Variants in ABHD2 observed in about 807,000 individuals in gnomAD.
ABHD2 encodes the protein abhydrolase domain containing 2, acylglycerol lipase, also known as monoacylglycerol lipase ABHD2.
Under a neutral mutation model 48.1 loss-of-function variants are expected in ABHD2, and 20 were observed. The ratio of observed to expected loss-of-function variants is 0.42; its 90% CI spans 0.29 to 0.60. The LOEUF is 0.60. ABHD2 is among the 20% of genes least tolerant of loss of function. The pLI, the probability that ABHD2 is intolerant of heterozygous loss-of-function variation, is 0.24. For synonymous variants in ABHD2, 209 were observed against 214.2 expected (o/e 0.98, Z 0.21); for missense variants, 405 against 550.9 (o/e 0.74, Z 2.65).
Position 89,177,506 on chromosome 15 carries a change from T to C in ABHD2, c.722+1511T>C, listed in dbSNP as rs939680154. On this transcript the variant is annotated intron_variant, in intron 6 of 10. Coordinates refer to ENST00000352732, the MANE Select transcript of ABHD2 (RefSeq NM_152924.5). This position sits in a 1 kb window ranked among gnomAD's most constrained non-coding sequence, Gnocchi z 5.6. ...TTGGAGGCATGGGACCTCAGAAGTC[T>C]GCATTTTGGATACATTTCATAGGCG... 6.6e-6 allele frequency among the ~76,000 whole-genome samples: 1 copy of C among 152,194 alleles called. No individual in the cohort carries two copies. Among genetic ancestry groups the C allele is most frequent in the African/African-American group, 2.4e-5 (1 of 41,452 alleles).
chr15:89,158,099 A>G (rs2050703722), intron 5 of ABHD2, among the ~76,000 whole-genome samples: 1 of 152,138 alleles, frequency 6.6e-6, no homozygotes, highest in African/African-American at 2.4e-5. Flanking sequence ...CTAACAGTAC[A>G]GTGTGAACAC....
chr15:89,094,595 C>A lies in ABHD2; in HGVS notation c.-107+6032C>A, dbSNP rs1202408258. 6.6e-6 allele frequency among the ~76,000 whole-genome samples: 1 copy of A among 151,996 alleles called. No individual in the cohort carries two copies. The highest frequency in any genetic ancestry group is 1.5e-5 in the Non-Finnish European group (1 of 68,004). The stretch of plus-strand genomic sequence containing the variant: ...TGGTGGTGTGCGCCTGTAGTCCCAG[C>A]TACTTGGGAGACTGAGGCAGGAGAA... On this transcript the variant is annotated intron_variant, in intron 1 of 10. Transcript: ENST00000352732. This position sits in a 1 kb window ranked among gnomAD's most constrained non-coding sequence, Gnocchi z 4.7.
intron 3 of ABHD2, among the ~76,000 whole-genome samples, chr15:89,127,417 C>T (rs1406615584): frequency 6.6e-6 from 1 of 151,842 alleles, no homozygotes; most frequent in Non-Finnish European, 1.5e-5. Context: ...TTGTGAGAAA[C>T]AGCAGGTTAT....
Position 89,177,997 on chromosome 15 carries a change from G to A in ABHD2, c.722+2002G>A, listed in dbSNP as rs1274412473. On this transcript the variant is annotated intron_variant, in intron 6 of 10. Transcript: ENST00000352732. The surrounding 1 kb of genome is among the most constrained non-coding windows in gnomAD (Gnocchi z 5.6). ...TTGAACTAAGGCAAAGAAGGCTCAA[G>A]AAGCTAGAAAACTAAAATCTGTGAG... Among the ~76,000 whole-genome samples, 1 of 152,224 alleles carries A rather than the reference G, an allele frequency of 6.6e-6. No individual in the cohort carries two copies. Among genetic ancestry groups the A allele is most frequent in the Non-Finnish European group, 1.5e-5 (1 of 68,042 alleles).
intron 3 of ABHD2, among the ~76,000 whole-genome samples, chr15:89,124,982 G>T (rs1029946375): frequency 2.0e-5 from 3 of 152,124 alleles, no homozygotes; most frequent in Non-Finnish European, 4.4e-5. Context: ...CCAGCTAATC[G>T]GGAGGCTGAG....
chr15:89,066,245 G>T, the ABHD2 span, among the ~76,000 whole-genome samples: 1 of 152,154 alleles, frequency 6.6e-6, no homozygotes, highest in Non-Finnish European at 1.5e-5. Flanking sequence ...CAAAATCATG[G>T]TTCCTTCTGA....
chr15:89,043,001 T>A, the ABHD2 span, among the ~76,000 whole-genome samples: 2 of 152,108 alleles, frequency 1.3e-5, no homozygotes, highest in East Asian at 1.9e-4. Context: ...CAGCACCATT[T>A]GTTTCCTCCA....
At chr15:89,172,718 C>T (rs1291445557) in intron 5 of ABHD2, among the ~76,000 whole-genome samples, 1 of 152,218 alleles carries the variant, frequency 6.6e-6, no homozygotes, top group Non-Finnish European at 1.5e-5. Context: ...CTAAACAACT[C>T]TACGAAGTCT....
chr15:89,135,795 C>A, intron 3 of ABHD2: 7 of 819,972 alleles, frequency 8.5e-6, no homozygotes, highest in South Asian at 6.7e-5. Flanking sequence ...AGTTTCTTTG[C>A]AACATCATTA....
intron 5 of ABHD2, among the ~76,000 whole-genome samples, chr15:89,163,139 G>A (rs1467849328): frequency 6.6e-6 from 1 of 152,308 alleles, no homozygotes; most frequent in East Asian, 1.9e-4. Flanking sequence ...AAACTAAAGA[G>A]GGCATTAACA....
chr15:89,179,000 GAT>G (rs1301374264), intron 6 of ABHD2, among the ~76,000 whole-genome samples: 2 of 152,182 alleles, frequency 1.3e-5, no homozygotes, highest in African/African-American at 4.8e-5. Flanking sequence ...GGGTGTAAAA[GAT>G]AGTCTGTATC....
chr15:89,100,495 C>T lies in ABHD2; in HGVS notation c.-107+11932C>T, dbSNP rs148518963. On this transcript the variant is annotated intron_variant, in intron 1 of 10. Coordinates refer to ENST00000352732, the MANE Select transcript of ABHD2 (RefSeq NM_152924.5). The surrounding 1 kb of genome is among the most constrained non-coding windows in gnomAD (Gnocchi z 4.4). ...TGCAAGTAGCCTCTCTACCCCACCA[C>T]CAATGTACATCTACAGAAAGCATCT... 1.7e-4 allele frequency among the ~76,000 whole-genome samples: 26 copies of T among 152,268 alleles called. No homozygotes were observed. The highest frequency in any genetic ancestry group is 6.0e-4 in the African/African-American group (25 of 41,546).
intron 7 of ABHD2, among the ~76,000 whole-genome samples, chr15:89,187,301 C>T: frequency 6.6e-6 from 1 of 152,200 alleles, no homozygotes; most frequent in East Asian, 1.9e-4. Context: ...AAATTTACTA[C>T]AGAAAGCCAA....
At chr15:89,047,994 G>C in the ABHD2 span, among the ~76,000 whole-genome samples, 67 of 151,538 alleles carry the variant, frequency 4.4e-4, no homozygotes, top group African/African-American at 1.5e-3. Context: ...TCCTAGTCTC[G>C]ATGGTCTTTA....
At chr15:89,136,877 G>C (rs1295264137) in intron 3 of ABHD2, among the ~76,000 whole-genome samples, 1 of 152,246 alleles carries the variant, frequency 6.6e-6, no homozygotes, top group Non-Finnish European at 1.5e-5. Flanking sequence ...GTTGGACAAA[G>C]AGCAGACCAT....
chr15:89,119,349 A>G (rs1446536077), intron 3 of ABHD2, among the ~76,000 whole-genome samples: 1 of 152,064 alleles, frequency 6.6e-6, no homozygotes, highest in Non-Finnish European at 1.5e-5. Flanking sequence ...TTGCCCCCCC[A>G]TCCTTCAACT....
At chr15:89,063,215 G>A in the ABHD2 span, among the ~76,000 whole-genome samples, 1 of 152,082 alleles carries the variant, frequency 6.6e-6, no homozygotes, top group Non-Finnish European at 1.5e-5. Flanking sequence ...TGATCCCCCT[G>A]CCTCAGCCTC....
chr15:89,043,821 T>G, the ABHD2 span, among the ~76,000 whole-genome samples: 1 of 152,212 alleles, frequency 6.6e-6, no homozygotes, highest in East Asian at 1.9e-4. Flanking sequence ...CAGCTTGGGA[T>G]AAATATTTTG....
At chr15:89,170,055 G>A (rs2050897043) in intron 5 of ABHD2, among the ~76,000 whole-genome samples, 1 of 130,250 alleles carries the variant, frequency 7.7e-6, no homozygotes, top group Non-Finnish European at 1.6e-5. Flanking sequence ...AGATGGCTCA[G>A]AGCCATTCCA....
Sources: allele counts gnomAD v4.1 joint callset (sites outside exome capture counted in the v4.1 genomes callset), GRCh38; gene constraint gnomAD v4.1.1; non-coding constraint Gnocchi (gnomAD v3.1); transcripts MANE v1.5; gene names NCBI Gene and HGNC (gene_info 2026-07-23, HGNC 2026-07-21).